ANKH: variants seen among roughly 807,000 people sequenced by gnomAD.
The protein encoded by ANKH is ANKH inorganic pyrophosphate transport regulator.
Under a neutral mutation model 49.0 loss-of-function variants are expected in ANKH, and 15 were observed. The observed-to-expected ratio is 0.31, with a 90% CI of 0.20 to 0.47. ANKH has a LOEUF of 0.47. ANKH is among the 20% of genes least tolerant of loss of function. The pLI is 1.00. For missense variants in ANKH, 429 were observed against 652.0 expected, an observed-to-expected ratio of 0.66 and a Z score of 3.72; for synonymous variants, 273 against 260.0, an observed-to-expected ratio of 1.05 and a Z score of -0.48.
At chr5:14,724,703 A>G in intron 8 of ANKH, 1 of 386,864 alleles carries the variant, frequency 2.6e-6, no homozygotes, top group Non-Finnish European at 3.5e-6. Context: ...CTCTTTTCAA[A>G]GCATTTGGAA....
chr5:14,726,665 A>G (rs1294082201), intron 8 of ANKH, among the ~76,000 whole-genome samples: 6 of 152,140 alleles, frequency 3.9e-5, no homozygotes, highest in Admixed American at 3.9e-4. Context: ...AGTGTTCCTA[A>G]TGTTTGCATG....
chr5:14,711,110 GAAC>G lies in ANKH; in HGVS notation c.*84_*86del. The G allele has an allele frequency of 8.4e-7, 1 of 1,197,288 alleles. No homozygotes were observed. The highest frequency in any genetic ancestry group is 1.2e-5 in the South Asian group (1 of 82,870). The allele number at this position is 1,197,288 out of a possible 1,614,324, so 74.2% of individuals were successfully genotyped here. A position where few individuals can be genotyped will look rare whatever the true frequency, so the allele number is the denominator to read the frequency against. On this transcript the variant is annotated 3_prime_UTR_variant, in exon 12 of 12. Coordinates refer to ENST00000284268, the MANE Select transcript of ANKH (RefSeq NM_054027.6). The stretch of plus-strand genomic sequence containing the variant: ...TTACCAAAACAAAACAAAAAAAAGG[GAAC>G]AAAATACGATGGGAGAGGGAAGAGA...
chr5:14,852,537 T>C (rs1742147769), intron 1 of ANKH, among the ~76,000 whole-genome samples: 1 of 152,226 alleles, frequency 6.6e-6, no homozygotes, highest in African/African-American at 2.4e-5. Context: ...ATTTAACTTT[T>C]AAGTTCAGGG....
chr5:14,760,601 G>A (rs1305270820), intron 2 of ANKH, among the ~76,000 whole-genome samples: 1 of 152,216 alleles, frequency 6.6e-6, no homozygotes, highest in Non-Finnish European at 1.5e-5. Flanking sequence ...GGATCTGCAA[G>A]GAGACCATCC....
intron 1 of ANKH, among the ~76,000 whole-genome samples, chr5:14,819,908 C>T (rs774811422): frequency 1.5e-4 from 7 of 45,906 alleles, no homozygotes; most frequent in Admixed American, 8.3e-4. Flanking sequence ...TATACACACA[C>T]ACACACACAC....
At chr5:14,870,584 T>G (rs1003476908) in intron 1 of ANKH, 1 of 152,936 alleles carries the variant, frequency 6.5e-6, no homozygotes, top group Non-Finnish European at 1.5e-5. Context: ...TGCATCCCGC[T>G]GGTGGCCCTG....
At chr5:14,852,228 G>A (rs1014279793) in intron 1 of ANKH, among the ~76,000 whole-genome samples, 13 of 152,232 alleles carry the variant, frequency 8.5e-5, no homozygotes, top group Admixed American at 1.3e-4. Flanking sequence ...GCTGCAGTGA[G>A]CAGTGATTGT....
chr5:14,779,789 G>A (rs1272565807), intron 1 of ANKH, among the ~76,000 whole-genome samples: 1 of 152,182 alleles, frequency 6.6e-6, no homozygotes, highest in Admixed American at 6.5e-5. Context: ...CAATAGATGG[G>A]TAGGTCTTCC....
chr5:14,836,467 A>G (rs9763170), intron 1 of ANKH, among the ~76,000 whole-genome samples: 7,730 of 152,238 alleles, frequency 0.051, 222 homozygotes, highest in South Asian at 0.066. Context: ...ATTCTTATAC[A>G]CCAATAACAG....
intron 1 of ANKH, among the ~76,000 whole-genome samples, chr5:14,780,727 T>C (rs1403102400): frequency 6.6e-6 from 1 of 152,214 alleles, no homozygotes; most frequent in Non-Finnish European, 1.5e-5. Flanking sequence ...ACTTGCCTCA[T>C]CCTAGACTAG....
At chr5:14,818,478 C>T (rs1304293804) in intron 1 of ANKH, among the ~76,000 whole-genome samples, 1 of 151,762 alleles carries the variant, frequency 6.6e-6, no homozygotes, top group Admixed American at 6.6e-5. Context: ...CCTATCTCTA[C>T]TAAAAATACA....
At chr5:14,758,776 A>G (rs1738983389) in intron 2 of ANKH, among the ~76,000 whole-genome samples, 178 bp from the exon 3 acceptor site, 2 of 152,260 alleles carry the variant, frequency 1.3e-5, no homozygotes, top group African/African-American at 4.8e-5. Context: ...AGTGGGTCAC[A>G]GCCAATGAAT....
rs143894283 is a variant in ANKH, at chr5:14,751,177, C to A, written c.579G>T (p.Pro193=). 1.2e-6 allele frequency: 2 copies of A among 1,614,024 alleles called. No individual in the cohort carries two copies. The highest frequency in any genetic ancestry group is 2.2e-5 in the South Asian group (2 of 91,076). ...HLECREPLLI[P]ILSLYMGALV... Reference sequence around the variant, plus strand: ...GTGCGCCCATGTACAAGGAGAGGATCGGGATGAGCAGGGGCTCCCGGCATT... The same window carrying A: ...GTGCGCCCATGTACAAGGAGAGGATAGGGATGAGCAGGGGCTCCCGGCATT... Residue 193 remains proline, a synonymous_variant, in exon 5 of 12, where the codon CCG becomes CCT. Coordinates refer to ENST00000284268, the MANE Select transcript of ANKH (RefSeq NM_054027.6).
At chr5:14,757,140 G>A (rs1197272734) in intron 3 of ANKH, among the ~76,000 whole-genome samples, 3 of 152,024 alleles carry the variant, frequency 2.0e-5, no homozygotes, top group Non-Finnish European at 2.9e-5. Context: ...GGAATGACAC[G>A]GACCTGTCCA....
At chr5:14,829,071 C>T (rs1741428950) in intron 1 of ANKH, among the ~76,000 whole-genome samples, 1 of 151,416 alleles carries the variant, frequency 6.6e-6, no homozygotes, top group Non-Finnish European at 1.5e-5. Flanking sequence ...GTAATCCCAG[C>T]TACTCGGGAG....
At chr5:14,796,720 G>T (rs1740402536) in intron 1 of ANKH, among the ~76,000 whole-genome samples, 1 of 152,122 alleles carries the variant, frequency 6.6e-6, no homozygotes, top group Non-Finnish European at 1.5e-5. Flanking sequence ...CTGAATAAAA[G>T]TGACATCTTT....
At chr5:14,853,224 A>G (rs967438267) in intron 1 of ANKH, among the ~76,000 whole-genome samples, 1 of 152,226 alleles carries the variant, frequency 6.6e-6, no homozygotes, top group African/African-American at 2.4e-5. Context: ...CTATTTTAAG[A>G]GTATAGTTGT....
intron 9 of ANKH, among the ~76,000 whole-genome samples, chr5:14,715,578 G>A: frequency 6.6e-6 from 1 of 152,234 alleles, no homozygotes; most frequent in Admixed American, 6.5e-5. Context: ...GAATACAAAG[G>A]TCTTCTTCCC....
intron 1 of ANKH, among the ~76,000 whole-genome samples, chr5:14,788,956 C>T (rs1035641606): frequency 5.9e-5 from 9 of 152,112 alleles, no homozygotes; most frequent in Admixed American, 1.3e-4. Context: ...GGGCCGGGCA[C>T]GGTGGCTCAC....
Sources: allele counts gnomAD v4.1 joint callset (sites outside exome capture counted in the v4.1 genomes callset), GRCh38; gene constraint gnomAD v4.1.1; transcripts MANE v1.5; gene names NCBI Gene and HGNC (gene_info 2026-07-23, HGNC 2026-07-21).